Variants in CCDC141 observed in about 807,000 individuals in gnomAD.
CCDC141 encodes coiled-coil domain containing 141, also known as coiled-coil domain-containing protein 141.
CCDC141 carries 168 observed loss-of-function variants against 181.0 expected under a neutral mutation model. That is an observed-to-expected ratio of 0.93 (90% CI 0.82 to 1.05). The LOEUF is 1.05. Ranked by LOEUF, CCDC141 falls within the 50% of genes least tolerant of loss-of-function variation. The pLI is 0.00. For missense variants in CCDC141, 1,902 were observed against 1,788.5 expected, an observed-to-expected ratio of 1.06 and a Z score of -1.14; for synonymous variants, 666 against 642.3, an observed-to-expected ratio of 1.04 and a Z score of -0.56.
chr2:178,863,157 C>T (rs897248140), intron 17 of CCDC141, among the ~76,000 whole-genome samples: 2 of 152,092 alleles, frequency 1.3e-5, no homozygotes, highest in African/African-American at 2.4e-5. Flanking sequence ...TGAAGTTGAT[C>T]CCCTGGAACA....
chr2:178,873,830 A>G (rs933731572), intron 12 of CCDC141: 7 of 152,204 alleles, frequency 4.6e-5, no homozygotes, highest in Admixed American at 1.3e-4. Flanking sequence ...GTTTATATTC[A>G]TGCACCATGA....
intron 4 of CCDC141, among the ~76,000 whole-genome samples, chr2:178,972,889 G>A (rs941253330): frequency 6.6e-6 from 1 of 152,146 alleles, no homozygotes; most frequent in Non-Finnish European, 1.5e-5. Context: ...GGGAGCCTTA[G>A]CACTGCTGAA....
At chr2:178,879,458 A>G (rs1021122394) in intron 11 of CCDC141, among the ~76,000 whole-genome samples, 6 of 152,294 alleles carry the variant, frequency 3.9e-5, no homozygotes, top group Admixed American at 1.3e-4. Flanking sequence ...ACATGCCTCT[A>G]TGTTTTGCTG....
intron 6 of CCDC141, among the ~76,000 whole-genome samples, chr2:178,937,534 G>T (rs1237170708): frequency 6.6e-6 from 1 of 152,042 alleles, no homozygotes; most frequent in Non-Finnish European, 1.5e-5. Context: ...ATTCATCAAG[G>T]ATATTGGCCT....
intron 12 of CCDC141, chr2:178,875,021 A>T (rs1686296823): frequency 6.6e-6 from 1 of 152,126 alleles, no homozygotes; most frequent in Admixed American, 6.6e-5. Flanking sequence ...CTCAATACAA[A>T]ACTCTGGGAG....
intron 8 of CCDC141, among the ~76,000 whole-genome samples, chr2:178,899,224 T>C (rs1687563545): frequency 6.6e-6 from 1 of 152,186 alleles, no homozygotes; most frequent in Non-Finnish European, 1.5e-5. Flanking sequence ...TAGGCTAGCC[T>C]AGCTATGTAG....
At chr2:178,904,412 C>T (rs923691314) in intron 8 of CCDC141, among the ~76,000 whole-genome samples, 3 of 152,120 alleles carry the variant, frequency 2.0e-5, no homozygotes, top group African/African-American at 7.2e-5. Context: ...CCAAAGTTAC[C>T]AAATCAACAC....
chr2:178,821,461 G>C, the CCDC141 span, among the ~76,000 whole-genome samples: 2 of 152,064 alleles, frequency 1.3e-5, no homozygotes, highest in Non-Finnish European at 2.9e-5. Context: ...CTGTTCCAAT[G>C]AGAAAATCAA....
intron 19 of CCDC141, among the ~76,000 whole-genome samples, chr2:178,854,019 A>G (rs1685278144): frequency 6.6e-6 from 1 of 152,224 alleles, no homozygotes; most frequent in South Asian, 2.1e-4. Flanking sequence ...AAAAAAGCCA[A>G]ATGTTCACAA....
chr2:179,022,618 C>T (rs902690335), intron 2 of CCDC141, among the ~76,000 whole-genome samples: 2 of 152,168 alleles, frequency 1.3e-5, no homozygotes, highest in African/African-American at 4.8e-5. Flanking sequence ...GGTACTTTCA[C>T]GATCAGTGTC....
chr2:178,908,834 T>C (rs1453651766), intron 7 of CCDC141, among the ~76,000 whole-genome samples: 3 of 152,236 alleles, frequency 2.0e-5, no homozygotes, highest in African/African-American at 7.2e-5. Flanking sequence ...ATACATGTCA[T>C]GTTTGTTGTT....
chr2:178,985,520 A>G lies in CCDC141; in HGVS notation c.226-6845T>C, dbSNP rs1212124831. ...AAAAAACCCTTCAAAAAATTAATGA[A>G]TCCAGGAGCTGGTTTTTTGAAAGGA... On this transcript the variant is annotated intron_variant, in intron 2 of 23. Transcript: ENST00000443758. Among the ~76,000 whole-genome samples, 256 of 150,798 alleles carry G rather than the reference A, an allele frequency of 1.7e-3. 2 individuals carry two copies. In the South Asian group the frequency reaches 0.022, roughly 13 times the overall value.
intron 6 of CCDC141, among the ~76,000 whole-genome samples, chr2:178,937,794 C>T (rs2154376502): frequency 6.6e-6 from 1 of 151,948 alleles, no homozygotes; most frequent in East Asian, 1.9e-4. Flanking sequence ...CTTCATGATT[C>T]AGTCTTGGGA....
chr2:178,883,264 C>T (rs951919527), intron 11 of CCDC141, among the ~76,000 whole-genome samples: 22 of 152,034 alleles, frequency 1.4e-4, no homozygotes, highest in Admixed American at 3.9e-4. Context: ...ACTTGCCAAA[C>T]CACAAGAGTT....
intron 2 of CCDC141, among the ~76,000 whole-genome samples, chr2:179,011,620 TG>T (rs2042273066): frequency 6.6e-6 from 1 of 152,114 alleles, no homozygotes; most frequent in Admixed American, 6.6e-5. Flanking sequence ...TTGGAACAAA[TG>T]GACTTAGCAG....
chr2:178,938,825 T>A (rs1323902154), intron 6 of CCDC141, among the ~76,000 whole-genome samples: 1 of 152,102 alleles, frequency 6.6e-6, no homozygotes, highest in Non-Finnish European at 1.5e-5. Flanking sequence ...ATGTAGTGAA[T>A]GACATAGCAG....
At chr2:178,815,726 T>A in the CCDC141 span, among the ~76,000 whole-genome samples, 3 of 152,240 alleles carry the variant, frequency 2.0e-5, no homozygotes, top group Admixed American at 6.5e-5. Context: ...AGATTCCTTA[T>A]AATACCTAAT....
chr2:178,929,808 C>T (rs1212753969), intron 6 of CCDC141, among the ~76,000 whole-genome samples: 7 of 151,934 alleles, frequency 4.6e-5, no homozygotes, highest in Admixed American at 3.9e-4. Context: ...AAGGGAGCCC[C>T]GAGACCAGCA....
At chr2:179,004,830 A>G (rs1459988918) in intron 2 of CCDC141, among the ~76,000 whole-genome samples, 1 of 152,136 alleles carries the variant, frequency 6.6e-6, no homozygotes, top group African/African-American at 2.4e-5. Flanking sequence ...TCCCAGGTTC[A>G]AGCCATCCTC....
Sources: allele counts gnomAD v4.1 joint callset (sites outside exome capture counted in the v4.1 genomes callset), GRCh38; gene constraint gnomAD v4.1.1; transcripts MANE v1.5; gene names NCBI Gene and HGNC (gene_info 2026-07-23, HGNC 2026-07-21).